DNAH3: variants seen among roughly 807,000 people sequenced by gnomAD.
The protein encoded by DNAH3 is dynein axonemal heavy chain 3, also known as axonemal beta dynein heavy chain 3.
Under a neutral mutation model 432.5 loss-of-function variants are expected in DNAH3, and 332 were observed. The ratio of observed to expected loss-of-function variants is 0.77; its 90% confidence interval spans 0.70 to 0.84. DNAH3 has a LOEUF of 0.84. Ranked by LOEUF, DNAH3 falls within the 40% of genes least tolerant of loss-of-function variation. The probability of loss-of-function intolerance (pLI) is 0.00; values close to 1 mark genes in which losing one functional copy is unlikely to be tolerated. For synonymous variants in DNAH3, 1,956 were observed against 1,900.2 expected (o/e 1.03, Z -0.76); for missense variants, 4,861 against 5,114.0 (o/e 0.95, Z 1.51).
intron 40 of DNAH3, among the ~76,000 whole-genome samples, chr16:21,021,066 A>AT (rs1370204967): frequency 6.6e-6 from 1 of 152,198 alleles, no homozygotes; most frequent in East Asian, 1.9e-4. Flanking sequence ...ATCAGAATTT[A>AT]TTTCCTTTTT....
intron 41 of DNAH3, among the ~76,000 whole-genome samples, chr16:21,004,724 T>C (rs976006525): frequency 1.6e-4 from 24 of 151,902 alleles, no homozygotes; most frequent in African/African-American, 5.6e-4. Flanking sequence ...CTTTCTCCTC[T>C]TCCCTCAACT....
chr16:20,949,457 T>C (rs1330975787), intron 56 of DNAH3, among the ~76,000 whole-genome samples: 19 of 150,686 alleles, frequency 1.3e-4, no homozygotes, highest in Non-Finnish European at 1.5e-5. Context: ...TTTATTACTG[T>C]TGTTGTTAAT....
exon 53 of DNAH3, chr16:20,964,592 C>T: frequency 6.2e-7 from 1 of 1,614,188 alleles, no homozygotes; most frequent in Non-Finnish European, 8.5e-7. Flanking sequence ...AGTTTATTCG[C>T]CTTCTCCATG....
intron 20 of DNAH3, 59 bp downstream of exon 20, chr16:21,081,577 G>A: frequency 1.4e-6 from 2 of 1,397,414 alleles, no homozygotes; most frequent in Non-Finnish European, 2.0e-6. Context: ...TCAGATCACT[G>A]TGGGAACTTA....
At position 21,003,212 on chromosome 16, in the gene DNAH3, A is replaced by T. The variant is rs1466420297; in HGVS notation, c.6023-5T>A. On this transcript the variant is annotated splice_region_variant and splice_polypyrimidine_tract_variant and intron_variant, in intron 41 of 61. Coordinates refer to ENST00000261383, the Ensembl canonical transcript of DNAH3. ...AATAAAAATCATAGATGCTTCCTGG[A>T]CCCAAAGAAACAAAACAGATCATTA... The T allele has an allele frequency of 6.3e-7, 1 of 1,588,878 alleles. No individual in the cohort carries two copies.
At chr16:20,959,541 G>A in intron 53 of DNAH3, 137 bp from the exon 54 acceptor site, 3 of 813,774 alleles carry the variant, frequency 3.7e-6, no homozygotes, top group Non-Finnish European at 5.7e-6. Flanking sequence ...AGGCCGAGGT[G>A]GGAGGATCAC....
At chr16:21,137,261 TAA>T (rs60457553) in intron 5 of DNAH3, among the ~76,000 whole-genome samples, 17 of 116,986 alleles carry the variant, frequency 1.5e-4, no homozygotes, top group Admixed American at 3.5e-4. Flanking sequence ...GATTTCTGTC[TAA>T]AAAAAAAAAA....
intron 16 of DNAH3, among the ~76,000 whole-genome samples, chr16:21,101,970 A>G (rs1475740417): frequency 6.6e-6 from 1 of 152,238 alleles, no homozygotes; most frequent in African/African-American, 2.4e-5. Context: ...CCCCAAAACC[A>G]TTAATGTGGA....
chr16:21,062,730 C>G (rs1366212872), intron 24 of DNAH3, 47 bp from the exon 25 acceptor site: 2 of 1,510,968 alleles, frequency 1.3e-6, no homozygotes, highest in Non-Finnish European at 1.8e-6. Flanking sequence ...CTTCCAAGAA[C>G]TTTTTCTAGC....
chr16:21,047,748 T>G (rs1363791281), intron 31 of DNAH3, among the ~76,000 whole-genome samples: 1 of 151,916 alleles, frequency 6.6e-6, no homozygotes, highest in Admixed American at 6.6e-5. Context: ...GGAGGAGAGG[T>G]GCTCTGCTTT....
intron 53 of DNAH3, 71 bp from the exon 54 acceptor site, chr16:20,959,475 A>G (rs2084715964): frequency 2.1e-6 from 3 of 1,448,818 alleles, no homozygotes; most frequent in Non-Finnish European, 2.9e-6. Flanking sequence ...AGCTATATCA[A>G]CAATAACAAC....
rs1321778075 is a variant in DNAH3, at chr16:21,134,343, T to C, written c.998A>G (p.Tyr333Cys). The C allele has an allele frequency of 5.0e-6, 8 of 1,614,146 alleles. No individual in the cohort carries two copies. The South Asian group carries it at 6.6e-5, about 13-fold the overall frequency. The change falls in exon 7 of 62, where the codon TAC (tyrosine) becomes TGC (cysteine). Residue 333 changes from tyrosine (Y) to cysteine (C), a missense_variant. By Grantham distance (194) the Tyr-to-Cys change is radical. Transcript: ENST00000261383. ...CTCGTTCCACTTCTTGGCGCTCCTG[T>C]AGACACTGTGCCAGGGCACAGGGGC... is the stretch of plus-strand genomic sequence containing the variant.
chr16:21,098,476 T>G, intron 17 of DNAH3, 140 bp downstream of exon 17: 1 of 738,910 alleles, frequency 1.4e-6, no homozygotes. Flanking sequence ...AAAAAGAAAG[T>G]ACCAATGAAA....
chr16:21,025,182 C>G (rs1204741574), intron 38 of DNAH3, among the ~76,000 whole-genome samples: 1 of 152,092 alleles, frequency 6.6e-6, no homozygotes, highest in East Asian at 1.9e-4. Context: ...TCAAGTGATC[C>G]ATCCACCTGG....
chr16:21,148,940 T>A (rs2092819931), intron 1 of DNAH3, among the ~76,000 whole-genome samples: 1 of 152,136 alleles, frequency 6.6e-6, no homozygotes, highest in Non-Finnish European at 1.5e-5. Flanking sequence ...GTTAAAAATA[T>A]GAATGCTTGG....
At chr16:21,039,521 T>C (rs1328989858) in intron 33 of DNAH3, among the ~76,000 whole-genome samples, 1 of 152,024 alleles carries the variant, frequency 6.6e-6, no homozygotes, top group African/African-American at 2.4e-5. Context: ...CCCGGCCTTA[T>C]ACTATTTGTT....
At chr16:21,078,582 G>A (rs2152770617) in intron 20 of DNAH3, among the ~76,000 whole-genome samples, 1 of 152,356 alleles carries the variant, frequency 6.6e-6, no homozygotes, top group South Asian at 2.1e-4. Context: ...CACTGGCTGT[G>A]TGGCTGTGGC....
chr16:21,041,727 G>C (rs930083025), intron 32 of DNAH3, among the ~76,000 whole-genome samples: 2 of 152,048 alleles, frequency 1.3e-5, no homozygotes, highest in Non-Finnish European at 2.9e-5. Context: ...TGAGTGCAAC[G>C]GCGCTATCTC....
rs148546012 is a variant in DNAH3 at position 21,104,956 on chromosome 16, T to C, written c.2285-404A>G. Among the ~76,000 whole-genome samples the C allele has an allele frequency of 1.4e-4, 22 of 152,316 alleles. 1 individual carries two copies. The South Asian group carries it at 1.7e-3, about 11-fold the overall frequency. Reference sequence around the variant, plus strand: ...GTCTGAGTCAAGTCAGAAACCCAGATTGATGCTCTCGTTCCACAGTTCAAA... The same window carrying C: ...GTCTGAGTCAAGTCAGAAACCCAGACTGATGCTCTCGTTCCACAGTTCAAA... On this transcript the variant is annotated intron_variant, in intron 15 of 61. Coordinates refer to ENST00000261383, the Ensembl canonical transcript of DNAH3.
Sources: allele counts gnomAD v4.1 joint callset (sites outside exome capture counted in the v4.1 genomes callset), GRCh38; gene constraint gnomAD v4.1.1; transcripts MANE v1.5; gene names NCBI Gene and HGNC (gene_info 2026-07-23, HGNC 2026-07-21).